Variants in VPS37A observed in about 807,000 individuals in gnomAD.
VPS37A encodes vacuolar protein sorting-associated protein 37A.
In VPS37A, 30 loss-of-function variants were observed where a neutral mutation model predicts 49.8. The observed-to-expected ratio is 0.60, with a 90% confidence interval of 0.45 to 0.82. The LOEUF (loss-of-function observed/expected upper bound fraction) is 0.82. Ranked by LOEUF, VPS37A falls within the 40% of genes least tolerant of loss-of-function variation. The pLI is 0.00. For synonymous variants in VPS37A, 195 were observed against 160.6 expected (o/e 1.21, Z -1.62); for missense variants, 593 against 464.4 (o/e 1.28, Z -2.55).
At chr8:17,319,359 G>T in the VPS37A span, among the ~76,000 whole-genome samples, 1 of 152,224 alleles carries the variant, frequency 6.6e-6, no homozygotes, top group Non-Finnish European at 1.5e-5. Context: ...GATACACATT[G>T]TATTATCTGT....
At chr8:17,324,263 T>C in the VPS37A span, among the ~76,000 whole-genome samples, 4 of 152,118 alleles carry the variant, frequency 2.6e-5, no homozygotes, top group Non-Finnish European at 4.4e-5. Context: ...GTCTGATGAA[T>C]AGATGAGCGT....
intron 1 of VPS37A, among the ~76,000 whole-genome samples, chr8:17,264,140 A>G (rs1306146668): frequency 2.0e-5 from 3 of 151,994 alleles, no homozygotes; most frequent in Non-Finnish European, 2.9e-5. Flanking sequence ...TCCCTTTCCC[A>G]TTTGAGAGAA....
At chr8:17,314,176 C>T in the VPS37A span, among the ~76,000 whole-genome samples, 3 of 152,260 alleles carry the variant, frequency 2.0e-5, no homozygotes, top group Admixed American at 2.0e-4. Flanking sequence ...GTTCTGAGTA[C>T]ATATCACAAA....
chr8:17,272,854 T>G (rs1329418583), intron 4 of VPS37A, among the ~76,000 whole-genome samples: 1 of 88,334 alleles, frequency 1.1e-5, no homozygotes, highest in African/African-American at 7.9e-5. Context: ...AATCTCCGTG[T>G]CACTTTTTTC....
chr8:17,307,228 T>C (rs536887712), downstream of VPS37A, among the ~76,000 whole-genome samples: 86 of 152,112 alleles, frequency 5.7e-4, no homozygotes, highest in Non-Finnish European at 1.0e-3. Flanking sequence ...GGGCAAAGGA[T>C]ATGAAAAGAC....
At chr8:17,316,863 G>A in the VPS37A span, among the ~76,000 whole-genome samples, 5 of 152,036 alleles carry the variant, frequency 3.3e-5, no homozygotes, top group African/African-American at 1.2e-4. Flanking sequence ...ATCTATGGGG[G>A]CTGGGGTGGG....
the VPS37A span, among the ~76,000 whole-genome samples, chr8:17,329,200 G>T: frequency 6.6e-6 from 1 of 152,126 alleles, no homozygotes; most frequent in Non-Finnish European, 1.5e-5. Flanking sequence ...TTGATGCCAA[G>T]GATAGCTGTT....
intron 10 of VPS37A, among the ~76,000 whole-genome samples, chr8:17,285,074 C>G (rs1356453036): frequency 6.6e-6 from 1 of 151,868 alleles, no homozygotes; most frequent in Non-Finnish European, 1.5e-5. Context: ...TTTTTGACAG[C>G]ATAGTATCAA....
chr8:17,291,899 G>A (rs991697495), intron 11 of VPS37A, among the ~76,000 whole-genome samples: 1 of 152,070 alleles, frequency 6.6e-6, no homozygotes, highest in Non-Finnish European at 1.5e-5. Context: ...CAATTATGTG[G>A]CCAATTTTAG....
At chr8:17,248,995 C>T (rs1811729156) in intron 1 of VPS37A, among the ~76,000 whole-genome samples, 1 of 152,142 alleles carries the variant, frequency 6.6e-6, no homozygotes, top group Non-Finnish European at 1.5e-5. Flanking sequence ...TGTTTGTTCC[C>T]TTAGAAGTTG....
chr8:17,299,695 G>A, downstream of VPS37A: 1 of 832,412 alleles, frequency 1.2e-6, no homozygotes. Flanking sequence ...GTCCTCTTCA[G>A]TATCTAAGAA....
the VPS37A span, among the ~76,000 whole-genome samples, chr8:17,307,779 C>A: frequency 1.3e-5 from 2 of 151,826 alleles, no homozygotes; most frequent in African/African-American, 2.4e-5. Context: ...AGCAAACTAT[C>A]GCAAGGACAA....
intron 11 of VPS37A, 121 bp from the exon 12 acceptor site, chr8:17,294,866 T>C (rs897930870): frequency 6.6e-6 from 1 of 152,266 alleles, no homozygotes; most frequent in Non-Finnish European, 1.5e-5. Flanking sequence ...ACTGGAGCTG[T>C]TCCTATTCAG....
the VPS37A span, among the ~76,000 whole-genome samples, chr8:17,321,778 C>T: frequency 6.6e-6 from 1 of 152,148 alleles, no homozygotes; most frequent in Non-Finnish European, 1.5e-5. Flanking sequence ...CTTACTAATC[C>T]TGAGTTTCAT....
At chr8:17,284,091 G>A (rs10099050) in intron 9 of VPS37A, among the ~76,000 whole-genome samples, 2,143 of 152,140 alleles carry the variant, frequency 0.014, 57 homozygotes, top group African/African-American at 0.05. Flanking sequence ...GAAATGAGTC[G>A]TCAGGTTCAG....
At chr8:17,249,530 G>A (rs569123650) in intron 1 of VPS37A, among the ~76,000 whole-genome samples, 6 of 152,086 alleles carry the variant, frequency 3.9e-5, no homozygotes, top group South Asian at 2.1e-4. Flanking sequence ...AATTATACTC[G>A]AATAATTCCG....
At chr8:17,312,430 C>G in the VPS37A span, among the ~76,000 whole-genome samples, 1 of 152,002 alleles carries the variant, frequency 6.6e-6, no homozygotes, top group East Asian at 1.9e-4. Flanking sequence ...CAAAAATTAG[C>G]CAGGCATAGT....
At chr8:17,333,201 C>T in the VPS37A span, among the ~76,000 whole-genome samples, 1 of 152,098 alleles carries the variant, frequency 6.6e-6, no homozygotes, top group African/African-American at 2.4e-5. Context: ...ATCTTTCTCC[C>T]AGGCATGCTA....
chr8:17,254,246 G>A, intron 1 of VPS37A, among the ~76,000 whole-genome samples: 1 of 152,198 alleles, frequency 6.6e-6, no homozygotes, highest in Middle Eastern at 3.4e-3. Context: ...CCTTAGGTAG[G>A]GCAAGTTGAT....
Sources: allele counts gnomAD v4.1 joint callset (sites outside exome capture counted in the v4.1 genomes callset), GRCh38; gene constraint gnomAD v4.1.1; transcripts MANE v1.5; gene names NCBI Gene and HGNC (gene_info 2026-07-23, HGNC 2026-07-21).